The following NEGR1 variants were observed in gnomAD, a reference collection of about 807,000 sequenced individuals.
NEGR1 encodes the protein IgLON family member 4.
A neutral mutation model predicts 40.9 loss-of-function variants in NEGR1; 10 were observed. The observed-to-expected ratio is 0.24, with a 90% CI of 0.15 to 0.42. The LOEUF (loss-of-function observed/expected upper bound fraction) is 0.42, where lower values mean the gene tolerates loss of function less well. NEGR1 is among the 10% of genes least tolerant of loss of function. The pLI is 1.00. For missense variants in NEGR1, 352 were observed against 438.9 expected, an observed-to-expected ratio of 0.80 and a Z score of 1.77; for synonymous variants, 185 against 166.8, an observed-to-expected ratio of 1.11 and a Z score of -0.84.
chr1:71,664,521 T>C (rs987193162), intron 4 of NEGR1, among the ~76,000 whole-genome samples: 1 of 152,210 alleles, frequency 6.6e-6, no homozygotes, highest in Non-Finnish European at 1.5e-5. Context: ...TTTTTACATA[T>C]CTTTTTTGTG....
At chr1:71,625,875 T>C (rs748662152) in intron 4 of NEGR1, among the ~76,000 whole-genome samples, 17 of 151,930 alleles carry the variant, frequency 1.1e-4, no homozygotes, top group Non-Finnish European at 1.9e-4. Flanking sequence ...TATATTTAGA[T>C]GACTATACAC....
chr1:71,683,930 G>A (rs966739545), intron 4 of NEGR1, among the ~76,000 whole-genome samples: 10 of 152,064 alleles, frequency 6.6e-5, no homozygotes, highest in African/African-American at 2.4e-4. Context: ...GATAAACAAT[G>A]TAAAAATTCT....
intron 2 of NEGR1, among the ~76,000 whole-genome samples, chr1:71,865,093 C>T (rs1660073376): frequency 6.6e-6 from 1 of 152,108 alleles, no homozygotes; most frequent in African/African-American, 2.4e-5. Context: ...ATACAGAAAT[C>T]AGTAGTAAGG....
chr1:71,513,696 G>A (rs1647093525), intron 6 of NEGR1, among the ~76,000 whole-genome samples: 1 of 152,186 alleles, frequency 6.6e-6, no homozygotes, highest in African/African-American at 2.4e-5. Flanking sequence ...AGATCACACA[G>A]CAGAGGAGGA....
chr1:71,906,339 G>T (rs12042645), intron 2 of NEGR1, among the ~76,000 whole-genome samples: 32,408 of 151,658 alleles, frequency 0.21, 4,234 homozygotes, highest in East Asian at 0.5. Context: ...ACCAACTCAA[G>T]AGCTTATCCA....
At chr1:72,010,566 C>G (rs1646647212) in intron 1 of NEGR1, among the ~76,000 whole-genome samples, 1 of 152,064 alleles carries the variant, frequency 6.6e-6, no homozygotes, top group Non-Finnish European at 1.5e-5. Flanking sequence ...TCAACTAAAG[C>G]ATTGCAATAT....
intron 1 of NEGR1, among the ~76,000 whole-genome samples, chr1:72,047,593 G>T (rs995255560): frequency 3.3e-5 from 5 of 151,162 alleles, no homozygotes; most frequent in Non-Finnish European, 5.9e-5. Flanking sequence ...AATAATATAT[G>T]ATTCAAAAAT....
intron 1 of NEGR1, among the ~76,000 whole-genome samples, chr1:71,988,402 G>A (rs963928545): frequency 2.7e-4 from 41 of 151,864 alleles, no homozygotes; most frequent in East Asian, 1.4e-3. Context: ...AGCCGGGCGC[G>A]GTGGCGGGCG....
At chr1:71,798,800 C>T (rs1045083823) in intron 2 of NEGR1, among the ~76,000 whole-genome samples, 4 of 152,234 alleles carry the variant, frequency 2.6e-5, no homozygotes, top group African/African-American at 9.6e-5. Context: ...ACCTTAGCTC[C>T]TCACAGAGCT....
At chr1:72,030,707 A>T (rs1490500940) in intron 1 of NEGR1, among the ~76,000 whole-genome samples, 3 of 152,204 alleles carry the variant, frequency 2.0e-5, no homozygotes, top group African/African-American at 4.8e-5. Flanking sequence ...AACTTACATG[A>T]GAACATTAGA....
chr1:72,095,438 T>C (rs1019605180), intron 1 of NEGR1, among the ~76,000 whole-genome samples: 4 of 152,120 alleles, frequency 2.6e-5, no homozygotes, highest in Non-Finnish European at 5.9e-5. Context: ...GCAGACTATG[T>C]GGAAACACTT....
In NEGR1 at chr1:71,404,449, TAC is replaced by T. The variant is rs1173624697; in HGVS notation, c.*2995_*2996del. The T allele has an allele frequency of 6.6e-6, 1 of 152,046 alleles. No individual in the cohort carries two copies. The highest frequency in any genetic ancestry group is 1.5e-5 in the Non-Finnish European group (1 of 67,704). 9.4% of individuals were successfully genotyped at this position (152,046 alleles called of 1,614,324 possible). A position where few individuals can be genotyped will look rare whatever the true frequency, so the allele number is the denominator to read the frequency against. ...AAATGCGATCATTGAAAAACGTAGT[TAC>T]ACCACTTGCAGTTAAACTAAGAATG... On this transcript the variant is annotated 3_prime_UTR_variant, in exon 7 of 7. Transcript: ENST00000357731.
chr1:72,177,588 T>G (rs1652221248), intron 1 of NEGR1, among the ~76,000 whole-genome samples: 1 of 152,056 alleles, frequency 6.6e-6, no homozygotes, highest in African/African-American at 2.4e-5. Context: ...TCTAAAAAAC[T>G]TATTCATACT....
intron 1 of NEGR1, among the ~76,000 whole-genome samples, chr1:72,262,794 ATC>A: frequency 6.6e-6 from 1 of 152,084 alleles, no homozygotes; most frequent in Non-Finnish European, 1.5e-5. Context: ...TTTTAAAGCA[ATC>A]TCTTATAAAA....
At chr1:71,705,266 A>C (rs1281625066) in intron 3 of NEGR1, among the ~76,000 whole-genome samples, 1 of 152,132 alleles carries the variant, frequency 6.6e-6, no homozygotes, top group Non-Finnish European at 1.5e-5. Context: ...CATTGACTTA[A>C]ATGTGAATCA....
intron 5 of NEGR1, among the ~76,000 whole-genome samples, chr1:71,610,710 T>C (rs990530800): frequency 1.3e-5 from 2 of 152,178 alleles, no homozygotes; most frequent in African/African-American, 4.8e-5. Context: ...ACTCACGTCC[T>C]TTAAGAGCTG....
At chr1:71,568,829 C>CATAT (rs750483779) in intron 6 of NEGR1, among the ~76,000 whole-genome samples, 7 of 147,532 alleles carry the variant, frequency 4.7e-5, no homozygotes, top group African/African-American at 7.5e-5. Context: ...TATATGTATA[C>CATAT]GTGTGTGTGT....
At chr1:71,709,701 A>T (rs1557622660) in intron 3 of NEGR1, among the ~76,000 whole-genome samples, 1 of 152,228 alleles carries the variant, frequency 6.6e-6, no homozygotes. Context: ...TTCTCAACAT[A>T]TACAAAAAAT....
At chr1:72,191,400 A>G (rs1246013470) in intron 1 of NEGR1, among the ~76,000 whole-genome samples, 1 of 151,936 alleles carries the variant, frequency 6.6e-6, no homozygotes, top group African/African-American at 2.4e-5. Context: ...TGAGATCATA[A>G]TACACACACA....
Sources: allele counts gnomAD v4.1 joint callset (sites outside exome capture counted in the v4.1 genomes callset), GRCh38; gene constraint gnomAD v4.1.1; transcripts MANE v1.5; gene names NCBI Gene and HGNC (gene_info 2026-07-23, HGNC 2026-07-21).